Variants in SLC27A1 observed in about 807,000 individuals in gnomAD.
The protein encoded by SLC27A1 is long-chain fatty acid transport protein 1.
In SLC27A1, 61 loss-of-function variants were observed where a neutral mutation model predicts 62.2. The observed-to-expected ratio is 0.98, with a 90% confidence interval of 0.80 to 1.21. The LOEUF (loss-of-function observed/expected upper bound fraction) is 1.21, where lower values mean the gene tolerates loss of function less well. Ranked by LOEUF, SLC27A1 falls within the 50% of genes most tolerant of loss-of-function variation. The probability of loss-of-function intolerance (pLI) is 0.00; values close to 1 mark genes in which losing one functional copy is unlikely to be tolerated. For missense variants in SLC27A1, 903 were observed against 932.1 expected (o/e 0.97, Z 0.41); for synonymous variants, 435 against 408.6 (o/e 1.06, Z -0.78).
chr19:17,497,779 A>T (rs1377512813), intron 7 of SLC27A1: 3 of 383,142 alleles, frequency 7.8e-6, no homozygotes, highest in Non-Finnish European at 1.4e-5. Flanking sequence ...GAGATTAGCA[A>T]GGAGAATAGG....
At position 17,487,325 on chromosome 19, in the gene SLC27A1, G is replaced by A. The variant is rs1191056807; in HGVS notation, c.714G>A (p.Lys238=). The part of the protein sequence containing the change: ...STAPLAQIPS[K]GMDDRLFYIY... ...CCCCCTTGGCACAGATCCCCAGCAAGGGCATGGACGGTGAGTCAAGGGTGG... is the reference window on the plus strand; with the variant it reads ...CCCCCTTGGCACAGATCCCCAGCAAAGGCATGGACGGTGAGTCAAGGGTGG... Residue 238 remains lysine, a synonymous_variant, in exon 3 of 12, where the codon AAG becomes AAA. Transcript: ENST00000252595. 2 of 1,610,224 alleles carry A rather than the reference G, an allele frequency of 1.2e-6. No homozygotes were observed. Among genetic ancestry groups the A allele is most frequent in the Admixed American group, 1.7e-5 (1 of 59,468 alleles).
rs1221324202 is a variant in SLC27A1 at position 17,477,240 on chromosome 19, C to CTTTTTTTTTTTTTTTTT, written c.167+6541_167+6557dup. Among the ~76,000 whole-genome samples, 75 of 43,816 alleles carry CTTTTTTTTTTTTTTTTT rather than the reference C, an allele frequency of 1.7e-3. 15 individuals carry two copies. Among genetic ancestry groups the CTTTTTTTTTTTTTTTTT allele is most frequent in the Non-Finnish European group, 2.1e-3 (52 of 24,866 alleles). 28.7% of individuals were successfully genotyped at this position (43,816 alleles called of 152,430 possible). ...TTATTGGTTGAATGGATGAGCAGCGCTTTTTTTTTTTTTTTTTTTTTTTTG... is the reference window on the plus strand; with the variant it reads ...TTATTGGTTGAATGGATGAGCAGCGCTTTTTTTTTTTTTTTTTTTTTTTTTTTTTTTTTTTTTTTTTG... On this transcript the variant is annotated intron_variant, in intron 1 of 11. Coordinates refer to ENST00000252595, the MANE Select transcript of SLC27A1 (RefSeq NM_198580.3).
In SLC27A1 at chr19:17,482,739, T is replaced by C. The variant is rs563084684; in HGVS notation, c.168-3824T>C. The stretch of plus-strand genomic sequence containing the variant: ...CCACAGGGTCTTGGCTAGTGTGGGC[T>C]TTGCACTCAGTAGGTGCTCACCATT... On this transcript the variant is annotated intron_variant, in intron 1 of 11. Coordinates refer to ENST00000252595, the MANE Select transcript of SLC27A1 (RefSeq NM_198580.3). Among the ~76,000 whole-genome samples, 37 of 151,768 alleles carry C rather than the reference T, an allele frequency of 2.4e-4. No individual in the cohort carries two copies. The South Asian group carries it at 7.3e-3, about 30-fold the overall frequency.
chr19:17,489,021 CG>C lies in SLC27A1; in HGVS notation c.901del (p.Val301TrpfsTer9), dbSNP rs1228400174. 1.9e-6 allele frequency: 3 copies of C among 1,614,118 alleles called. No homozygotes were observed. The highest frequency in any genetic ancestry group is 2.5e-6 in the Non-Finnish European group (3 of 1,180,004). Reference protein sequence around the residue: ...LYHSAGNIIGVGQCLIYGLTV... With the variant: ...LYHSAGNIIGXGQCLIYGLTV... ...CACCCTCTGCAGGAAACATCATCGG[CG>C]TGGGGCAGTGTCTCATCTATGGGCT... On this transcript the variant is annotated frameshift_variant, in exon 6 of 12. Coordinates refer to ENST00000252595, the MANE Select transcript of SLC27A1 (RefSeq NM_198580.3). LOFTEE classifies it high-confidence loss of function.
intron 1 of SLC27A1, among the ~76,000 whole-genome samples, chr19:17,475,135 A>G (rs1248847433): frequency 6.6e-6 from 1 of 152,060 alleles, no homozygotes; most frequent in Non-Finnish European, 1.5e-5. Flanking sequence ...GGCTGGTCTC[A>G]AGGTCCTAAC....
Position 17,486,689 on chromosome 19 carries a change from C to T in SLC27A1, c.294C>T (p.Ala98=), listed in dbSNP as rs753574636. 7 of 1,611,078 alleles carry T rather than the reference C, an allele frequency of 4.3e-6. No homozygotes were observed. Among genetic ancestry groups the T allele is most frequent in the Middle Eastern group, 3.3e-4 (2 of 6,078 alleles). The part of the protein sequence containing the change: ...RQPERLALVD[A]GTGECWTFAQ... Reference sequence around the variant, plus strand: ...CCGAGCGCCTGGCGCTGGTGGATGCCGGGACCGGCGAGTGCTGGACCTTTG... The same window carrying T: ...CCGAGCGCCTGGCGCTGGTGGATGCTGGGACCGGCGAGTGCTGGACCTTTG... The change falls in exon 2 of 12, where the codon GCC becomes GCT. Residue 98 remains alanine, a synonymous_variant. Coordinates refer to ENST00000252595, the MANE Select transcript of SLC27A1 (RefSeq NM_198580.3). The surrounding 1 kb of genome is among the most constrained non-coding windows in gnomAD (Gnocchi z 6.6).
In SLC27A1 at chr19:17,502,335, GTTTTTTTTGTTTTTT is replaced by G. The variant is rs1230760452; in HGVS notation, c.1783+925_1783+939del. Reference sequence around the variant, plus strand: ...CTGCCACTAAGCATTCTGAAATAGTGTTTTTTTTGTTTTTTTTTTTTTTTTTTTTTTTTTGAGATG... The same window carrying G: ...CTGCCACTAAGCATTCTGAAATAGTGTTTTTTTTTTTTTTTTTTTGAGATG... On this transcript the variant is annotated intron_variant, in intron 11 of 11. Coordinates refer to ENST00000252595, the MANE Select transcript of SLC27A1 (RefSeq NM_198580.3). Among the ~76,000 whole-genome samples the G allele has an allele frequency of 5.3e-3, 404 of 75,850 alleles. 8 individuals carry two copies. The highest frequency in any genetic ancestry group is 7.1e-3 in the Non-Finnish European group (283 of 40,040). The allele number at this position is 75,850 out of a possible 152,430, so 49.8% of individuals were successfully genotyped here. A position where few individuals can be genotyped will look rare whatever the true frequency, so the allele number is the denominator to read the frequency against.
At chr19:17,471,613 G>T (rs912098436) in intron 1 of SLC27A1, among the ~76,000 whole-genome samples, 1 of 152,140 alleles carries the variant, frequency 6.6e-6, no homozygotes, top group Non-Finnish European at 1.5e-5. Flanking sequence ...GCGCCGGCTA[G>T]CGGGGCAGGG....
In SLC27A1 at chr19:17,497,387, C is replaced by T. The variant is rs2075361446; in HGVS notation, c.1129C>T (p.Arg377Cys). 5 of 1,604,010 alleles carry T rather than the reference C, an allele frequency of 3.1e-6. No homozygotes were observed. The South Asian group carries it at 5.6e-5, about 18-fold the overall frequency. The change falls in exon 7 of 12, where the codon CGC becomes TGC. Residue 377 changes from arginine (R) to cysteine (C), a missense_variant. Transcript: ENST00000252595. Reference protein sequence around the residue: ...RPAIWEEFTERFGVRQIGEFY... With the variant: ...RPAIWEEFTECFGVRQIGEFY... ...TGCCATCTGGGAGGAGTTCACGGAGCGCTTCGGCGTACGCCAAATCGGGGA... is the reference window on the plus strand; with the variant it reads ...TGCCATCTGGGAGGAGTTCACGGAGTGCTTCGGCGTACGCCAAATCGGGGA...
At chr19:17,482,564 T>C (rs753312753) in intron 1 of SLC27A1, among the ~76,000 whole-genome samples, 1 of 147,770 alleles carries the variant, frequency 6.8e-6, no homozygotes, top group East Asian at 2.0e-4. Flanking sequence ...GGCAGGAGAA[T>C]TGCTGGAACC....
Position 17,487,241 on chromosome 19 carries a change from C to T in SLC27A1, c.630C>T (p.Pro210=), listed in dbSNP as rs1473591867. The T allele has an allele frequency of 2.5e-6, 4 of 1,614,020 alleles. No homozygotes were observed. In the Admixed American group the frequency reaches 5.0e-5, roughly 20 times the overall value. Residue 210 remains proline (P), a synonymous_variant, in exon 3 of 12, where the codon CCC becomes CCT. Transcript: ENST00000252595. ...AGTTCTGCTCTGGAGACTTGGGGCCCGAGGGCATCTTGCCGGACACCCACC... is the reference window on the plus strand; with the variant it reads ...AGTTCTGCTCTGGAGACTTGGGGCCTGAGGGCATCTTGCCGGACACCCACC... ...LIKFCSGDLG[P]EGILPDTHLL...
At chr19:17,480,493 C>T (rs956977460) in intron 1 of SLC27A1, among the ~76,000 whole-genome samples, 4 of 150,820 alleles carry the variant, frequency 2.7e-5, no homozygotes, top group African/African-American at 9.8e-5. Context: ...GTCTCATCCT[C>T]CTGAGTAGCT....
chr19:17,493,508 A>G (rs1416498829), intron 6 of SLC27A1, among the ~76,000 whole-genome samples: 1 of 151,894 alleles, frequency 6.6e-6, no homozygotes, highest in Non-Finnish European at 1.5e-5. Flanking sequence ...ACAAGAGCAT[A>G]CATTTATTTG....
rs149884770 is a variant in SLC27A1, at chr19:17,487,846, A to G, written c.794+317A>G. Among the ~76,000 whole-genome samples the G allele has an allele frequency of 3.6e-4, 54 of 148,218 alleles. 1 individual carries two copies. The East Asian group carries it at 0.01, about 28-fold the overall frequency. On this transcript the variant is annotated intron_variant, in intron 4 of 11. Coordinates refer to ENST00000252595, the MANE Select transcript of SLC27A1 (RefSeq NM_198580.3). Reference sequence around the variant, plus strand: ...ATCCCCCCACCTGTTCACCACATCCATCCCACCAGCAAAACCCGTCCTCTC... The same window carrying G: ...ATCCCCCCACCTGTTCACCACATCCGTCCCACCAGCAAAACCCGTCCTCTC...
intron 6 of SLC27A1, 96 bp downstream of exon 6, chr19:17,489,213 A>G (rs1474899191): frequency 4.0e-6 from 4 of 994,358 alleles, no homozygotes; most frequent in Middle Eastern, 2.9e-4. Context: ...GAGGCCCCGT[A>G]CCTCCCAGCA....
chr19:17,492,075 T>A (rs1472215770), intron 6 of SLC27A1, among the ~76,000 whole-genome samples: 3 of 152,112 alleles, frequency 2.0e-5, no homozygotes, highest in African/African-American at 7.2e-5. Context: ...AGCATATATT[T>A]AGCAACATCC....
chr19:17,497,322 G>C lies in SLC27A1; in HGVS notation c.1064G>C (p.Arg355Pro), dbSNP rs759868888. The C allele has an allele frequency of 2.6e-5, 42 of 1,606,154 alleles. No homozygotes were observed. The highest frequency in any genetic ancestry group is 3.3e-5 in the Non-Finnish European group (39 of 1,177,598). Residue 355 changes from arginine to proline, a missense_variant, in exon 7 of 12, where the codon CGA (arginine) becomes CCA (proline). Arg to Pro is a moderately radical substitution (Grantham distance 103). Transcript: ENST00000252595. Reference sequence around the variant, plus strand: ...CAGCCGGTGCGCGAGGCGGAGAGGCGACACCGCGTGCGCCTGGCGGTGGGG... The same window carrying C: ...CAGCCGGTGCGCGAGGCGGAGAGGCCACACCGCGTGCGCCTGGCGGTGGGG... The part of the protein sequence containing the change: ...LKQPVREAER[R>P]HRVRLAVGNG...
chr19:17,472,461 G>GC, intron 1 of SLC27A1, among the ~76,000 whole-genome samples: 1 of 151,732 alleles, frequency 6.6e-6, no homozygotes, highest in Middle Eastern at 3.4e-3. Context: ...CGAGGTCCCT[G>GC]ACCATGTCCC....
In SLC27A1 at chr19:17,473,683, G is replaced by A. The variant is rs7246165; in HGVS notation, c.167+2976G>A. On this transcript the variant is annotated intron_variant, in intron 1 of 11. Transcript: ENST00000252595. ...TTGAGACCAGCCTGGCCAACGTGGCGAAGCCTTGTCTCTACTGAAAATACA... is the reference window on the plus strand; with the variant it reads ...TTGAGACCAGCCTGGCCAACGTGGCAAAGCCTTGTCTCTACTGAAAATACA... 2.4e-3 allele frequency among the ~76,000 whole-genome samples: 366 copies of A among 152,246 alleles called. 1 individual carries two copies. The highest frequency in any genetic ancestry group is 0.014 in the Middle Eastern group (4 of 294).
Sources: allele counts gnomAD v4.1 joint callset (sites outside exome capture counted in the v4.1 genomes callset), GRCh38; gene constraint gnomAD v4.1.1; non-coding constraint Gnocchi (gnomAD v3.1); transcripts MANE v1.5; gene names NCBI Gene and HGNC (gene_info 2026-07-23, HGNC 2026-07-21).